The following NOS1AP variants were observed in gnomAD, a reference collection of about 807,000 sequenced individuals.
NOS1AP encodes the protein nitric oxide synthase 1 adaptor protein, also known as carboxyl-terminal PDZ ligand of neuronal nitric oxide synthase protein.
In NOS1AP, 21 loss-of-function variants were observed where a neutral mutation model predicts 56.2. That is an observed-to-expected ratio of 0.37 (90% CI 0.26 to 0.54). The LOEUF (loss-of-function observed/expected upper bound fraction) is 0.54, where lower values mean the gene tolerates loss of function less well. NOS1AP is among the 20% of genes least tolerant of loss of function. The pLI is 0.84. For synonymous variants in NOS1AP, 270 were observed against 274.6 expected, an observed-to-expected ratio of 0.98 and a Z score of 0.17; for missense variants, 522 against 657.8, an observed-to-expected ratio of 0.79 and a Z score of 2.26.
intron 1 of NOS1AP, among the ~76,000 whole-genome samples, chr1:162,086,342 G>T (rs1008303594): frequency 1.3e-5 from 2 of 152,064 alleles, no homozygotes; most frequent in Non-Finnish European, 2.9e-5. Flanking sequence ...TCGGAGCTAG[G>T]GATATTAGAC....
At chr1:162,350,190 C>G (rs192471343) in intron 6 of NOS1AP, among the ~76,000 whole-genome samples, 1 of 152,192 alleles carries the variant, frequency 6.6e-6, no homozygotes, top group Non-Finnish European at 1.5e-5. Flanking sequence ...TGGAGCTGCC[C>G]CACCTGACAC....
chr1:162,070,646 G>A (rs1192151622), intron 1 of NOS1AP, among the ~76,000 whole-genome samples: 2 of 152,196 alleles, frequency 1.3e-5, no homozygotes, highest in Admixed American at 1.3e-4. Context: ...GTTTAAGGAA[G>A]CTCTGGTGTT....
intron 1 of NOS1AP, among the ~76,000 whole-genome samples, chr1:162,118,403 G>A (rs763839816): frequency 3.1e-4 from 47 of 152,306 alleles, no homozygotes; most frequent in Non-Finnish European, 6.0e-4. Context: ...ATGGCCTCCA[G>A]CTACATCCAC....
intron 4 of NOS1AP, among the ~76,000 whole-genome samples, chr1:162,312,113 G>A (rs1401003745): frequency 1.3e-5 from 2 of 151,056 alleles, no homozygotes; most frequent in African/African-American, 4.9e-5. Context: ...TGGGATGGCT[G>A]GGTCAAATGG....
chr1:162,244,132 T>G (rs2101684391), intron 2 of NOS1AP, among the ~76,000 whole-genome samples: 1 of 152,296 alleles, frequency 6.6e-6, no homozygotes, highest in South Asian at 2.1e-4. Context: ...TTTATATCCC[T>G]GAAGTTGAGT....
In NOS1AP at chr1:162,304,227, C is replaced by T. The variant is rs185195535; in HGVS notation, c.344+3521C>T. 5.6e-3 allele frequency among the ~76,000 whole-genome samples: 850 copies of T among 152,234 alleles called. 8 individuals are homozygous for T. The highest frequency in any genetic ancestry group is 5.5e-3 in the Non-Finnish European group (377 of 68,008). The stretch of plus-strand genomic sequence containing the variant: ...TCTCTGTTCCTCTCTCCCTCCCTCT[C>T]TGCAAATGGATGTCCAGTTGTTCTA... On this transcript the variant is annotated intron_variant, in intron 4 of 9. Coordinates refer to ENST00000361897, the MANE Select transcript of NOS1AP (RefSeq NM_014697.3).
Position 162,161,233 on chromosome 1 carries a change from G to A in NOS1AP, c.177+6757G>A, listed in dbSNP as rs191445764. Among the ~76,000 whole-genome samples, 140 of 152,276 alleles carry A rather than the reference G, an allele frequency of 9.2e-4. 1 individual carries two copies. The highest frequency in any genetic ancestry group is 3.3e-3 in the African/African-American group (136 of 41,548). ...ACCTGCAAAGTGCCCTTTGTCATGTGAGGTAACACATTCATAGGTTTTGGG... is the reference window on the plus strand; with the variant it reads ...ACCTGCAAAGTGCCCTTTGTCATGTAAGGTAACACATTCATAGGTTTTGGG... On this transcript the variant is annotated intron_variant, in intron 2 of 9. Coordinates refer to ENST00000361897, the MANE Select transcript of NOS1AP (RefSeq NM_014697.3).
At chr1:162,236,618 A>AT (rs561168114) in intron 2 of NOS1AP, among the ~76,000 whole-genome samples, 43 of 150,912 alleles carry the variant, frequency 2.8e-4, no homozygotes, top group African/African-American at 1.0e-3. Flanking sequence ...TCCTCTTTCC[A>AT]TTTTTTGCTT....
At chr1:162,092,806 G>T (rs12069128) in intron 1 of NOS1AP, among the ~76,000 whole-genome samples, 9,192 of 152,182 alleles carry the variant, frequency 0.06, 457 homozygotes, top group East Asian at 0.18. Flanking sequence ...GAAATGGTAA[G>T]GAGGATTTAC....
chr1:162,344,840 T>A (rs1354324612), intron 6 of NOS1AP, among the ~76,000 whole-genome samples: 1 of 152,198 alleles, frequency 6.6e-6, no homozygotes, highest in Non-Finnish European at 1.5e-5. Flanking sequence ...AACTGAGAAC[T>A]ATTAGAAATA....
At chr1:162,196,876 C>G (rs1009748670) in intron 2 of NOS1AP, among the ~76,000 whole-genome samples, 1 of 152,226 alleles carries the variant, frequency 6.6e-6, no homozygotes, top group Non-Finnish European at 1.5e-5. Context: ...TAGAGTAGGG[C>G]TGGAGGCCCC....
chr1:162,175,697 G>A (rs1368027322), intron 2 of NOS1AP, among the ~76,000 whole-genome samples: 1 of 152,136 alleles, frequency 6.6e-6, no homozygotes, highest in Admixed American at 6.5e-5. Flanking sequence ...AATGAAATAC[G>A]TGTGTATGCT....
intron 2 of NOS1AP, among the ~76,000 whole-genome samples, chr1:162,203,419 C>T (rs976779830): frequency 6.6e-6 from 1 of 152,206 alleles, no homozygotes; most frequent in Admixed American, 6.6e-5. Context: ...AAGCAGGGAA[C>T]AGCTTTTCCC....
intron 1 of NOS1AP, among the ~76,000 whole-genome samples, chr1:162,134,485 T>TAAAAAAA (rs66940059): frequency 1.1e-5 from 1 of 92,732 alleles, no homozygotes. Flanking sequence ...AGACTTTGTC[T>TAAAAAAA]AAAAAAAAAA....
chr1:162,342,049 G>C (rs142037393), intron 5 of NOS1AP, among the ~76,000 whole-genome samples: 7 of 152,212 alleles, frequency 4.6e-5, no homozygotes, highest in African/African-American at 1.4e-4. Flanking sequence ...CAAGCCTATG[G>C]TATGAGAAGG....
At chr1:162,105,207 GT>G (rs1441624918) in intron 1 of NOS1AP, among the ~76,000 whole-genome samples, 1 of 152,164 alleles carries the variant, frequency 6.6e-6, no homozygotes, top group Non-Finnish European at 1.5e-5. Flanking sequence ...AGTTGCCTTG[GT>G]TTTTCTGTAC....
At chr1:162,221,216 G>A (rs1652756889) in intron 2 of NOS1AP, among the ~76,000 whole-genome samples, 1 of 152,182 alleles carries the variant, frequency 6.6e-6, no homozygotes, top group Non-Finnish European at 1.5e-5. Flanking sequence ...TGGGATTAAA[G>A]GCGTGAGCCA....
chr1:162,170,805 G>A (rs1557816788), intron 2 of NOS1AP, among the ~76,000 whole-genome samples: 1 of 152,248 alleles, frequency 6.6e-6, no homozygotes, highest in East Asian at 1.9e-4. Context: ...GCCGGATATG[G>A]TGGTGTGCAC....
intron 1 of NOS1AP, among the ~76,000 whole-genome samples, chr1:162,085,395 A>G (rs944322253): frequency 2.0e-5 from 3 of 152,192 alleles, no homozygotes; most frequent in Non-Finnish European, 4.4e-5. Flanking sequence ...AATCAAATCA[A>G]GCAGGAAAAT....
Sources: allele counts gnomAD v4.1 joint callset (sites outside exome capture counted in the v4.1 genomes callset), GRCh38; gene constraint gnomAD v4.1.1; transcripts MANE v1.5; gene names NCBI Gene and HGNC (gene_info 2026-07-23, HGNC 2026-07-21).